Variants in CACNA2D3 observed in about 807,000 individuals in gnomAD.
CACNA2D3 encodes calcium voltage-gated channel auxiliary subunit alpha2delta 3.
CACNA2D3 carries 60 observed loss-of-function variants against 160.6 expected under a neutral mutation model. The ratio of observed to expected loss-of-function variants is 0.37; its 90% confidence interval spans 0.30 to 0.46. The LOEUF (loss-of-function observed/expected upper bound fraction) is 0.46, where lower values mean the gene tolerates loss of function less well. CACNA2D3 is among the 20% of genes least tolerant of loss of function. CACNA2D3 has a pLI of 1.00. For missense variants in CACNA2D3, 1,205 were observed against 1,365.0 expected (o/e 0.88, Z 1.85); for synonymous variants, 558 against 492.9 (o/e 1.13, Z -1.75).
At chr3:54,270,206 TAA>T (rs370818095) in intron 2 of CACNA2D3, among the ~76,000 whole-genome samples, 1 of 152,246 alleles carries the variant, frequency 6.6e-6, no homozygotes, top group African/African-American at 2.4e-5. Flanking sequence ...TTTGTAAATA[TAA>T]AAGAGAAAGA....
chr3:54,454,461 A>G (rs576838224), intron 4 of CACNA2D3, among the ~76,000 whole-genome samples: 2 of 152,144 alleles, frequency 1.3e-5, no homozygotes, highest in Non-Finnish European at 1.5e-5. Context: ...TTCAAAAATT[A>G]TCATTTATAA....
intron 2 of CACNA2D3, among the ~76,000 whole-genome samples, chr3:54,273,719 C>T (rs547569979): frequency 2.6e-5 from 4 of 152,290 alleles, no homozygotes; most frequent in Non-Finnish European, 5.9e-5. Flanking sequence ...CGACCGTTCT[C>T]GGAGTTTGAG....
rs60899252 is a variant in CACNA2D3, at chr3:54,886,935, C to CTTTTT, written c.2057-1014_2057-1010dup. Among the ~76,000 whole-genome samples the CTTTTT allele has an allele frequency of 6.5e-5, 7 of 107,752 alleles. 1 individual carries two copies. Among genetic ancestry groups the CTTTTT allele is most frequent in the African/African-American group, 7.8e-5 (2 of 25,680 alleles). 70.7% of individuals were successfully genotyped at this position (107,752 alleles called of 152,430 possible). A position where few individuals can be genotyped will look rare whatever the true frequency, so the allele number is the denominator to read the frequency against. Reference sequence around the variant, plus strand: ...CTAGCTTTCGCTTTTCAGCAAAGCTCTTTTTTTTTTTTTTGCCCCCAGTCA... The same window carrying CTTTTT: ...CTAGCTTTCGCTTTTCAGCAAAGCTCTTTTTTTTTTTTTTTTTTTGCCCCCAGTCA... On this transcript the variant is annotated intron_variant, in intron 23 of 37. Transcript: ENST00000474759.
At chr3:54,316,094 T>C (rs1018939563) in intron 2 of CACNA2D3, among the ~76,000 whole-genome samples, 1 of 141,270 alleles carries the variant, frequency 7.1e-6, no homozygotes, top group Non-Finnish European at 1.6e-5. Context: ...TGTGTGTGTG[T>C]GCACGTGTGT....
At chr3:54,884,041 C>T (rs1362881010) in intron 21 of CACNA2D3, among the ~76,000 whole-genome samples, 1 of 151,948 alleles carries the variant, frequency 6.6e-6, no homozygotes, top group Non-Finnish European at 1.5e-5. Flanking sequence ...AGAATCATAC[C>T]TGGCATATAG....
intron 11 of CACNA2D3, among the ~76,000 whole-genome samples, chr3:54,645,181 G>A (rs1004718332): frequency 3.9e-5 from 6 of 152,096 alleles, no homozygotes; most frequent in African/African-American, 1.2e-4. Flanking sequence ...CTTACATGGC[G>A]GCAGGTAAGA....
chr3:55,073,600 GTAA>G (rs1184925784), intron 36 of CACNA2D3, 43 bp downstream of exon 36: 1 of 1,487,366 alleles, frequency 6.7e-7, no homozygotes. Context: ...ACGGAAACCA[GTAA>G]GGGGTATCAG....
intron 5 of CACNA2D3, among the ~76,000 whole-genome samples, chr3:54,527,273 C>T (rs1701740193): frequency 6.6e-6 from 1 of 152,090 alleles, no homozygotes; most frequent in African/African-American, 2.4e-5. Context: ...TGTCCTTAGG[C>T]TTGAACTTAT....
intron 13 of CACNA2D3, among the ~76,000 whole-genome samples, chr3:54,773,617 A>G (rs1702360254): frequency 6.6e-6 from 1 of 152,090 alleles, no homozygotes; most frequent in Non-Finnish European, 1.5e-5. Context: ...AGTCATTATA[A>G]CTCTGGCACA....
At chr3:54,953,385 G>A (rs1701805398) in intron 27 of CACNA2D3, among the ~76,000 whole-genome samples, 1 of 152,122 alleles carries the variant, frequency 6.6e-6, no homozygotes, top group East Asian at 1.9e-4. Flanking sequence ...GTGGGGCCCG[G>A]TAACACTACG....
chr3:54,492,287 G>C (rs1701122733), intron 4 of CACNA2D3, among the ~76,000 whole-genome samples: 1 of 152,128 alleles, frequency 6.6e-6, no homozygotes, highest in Non-Finnish European at 1.5e-5. Flanking sequence ...ACAAAGCCAG[G>C]ACCCTTGTTC....
At chr3:54,623,886 T>C (rs1699040887) in intron 9 of CACNA2D3, among the ~76,000 whole-genome samples, 1 of 152,198 alleles carries the variant, frequency 6.6e-6, no homozygotes, top group Non-Finnish European at 1.5e-5. Context: ...GAGCAGCTCT[T>C]AGTGGAGGAC....
chr3:54,502,847 T>G (rs1042785700), intron 4 of CACNA2D3, among the ~76,000 whole-genome samples: 3 of 152,218 alleles, frequency 2.0e-5, no homozygotes, highest in African/African-American at 7.2e-5. Context: ...AAAGTAAGCC[T>G]TCTGTATATG....
intron 4 of CACNA2D3, among the ~76,000 whole-genome samples, chr3:54,483,633 C>T (rs1255048026): frequency 6.6e-6 from 1 of 152,064 alleles, no homozygotes; most frequent in Non-Finnish European, 1.5e-5. Flanking sequence ...GAAGTTAAAA[C>T]AACAACCACA....
intron 5 of CACNA2D3, among the ~76,000 whole-genome samples, chr3:54,539,125 G>A (rs1701931683): frequency 6.6e-6 from 1 of 152,176 alleles, no homozygotes; most frequent in African/African-American, 2.4e-5. Context: ...ATGCTCAGTT[G>A]TGTCGGCCGT....
At chr3:54,834,161 G>A (rs1292676101) in intron 14 of CACNA2D3, among the ~76,000 whole-genome samples, 3 of 152,156 alleles carry the variant, frequency 2.0e-5, no homozygotes, top group Non-Finnish European at 4.4e-5. Flanking sequence ...TTTGTGCCAG[G>A]ACAATTACTA....
At chr3:54,257,017 T>C (rs778021962) in intron 2 of CACNA2D3, among the ~76,000 whole-genome samples, 4 of 152,140 alleles carry the variant, frequency 2.6e-5, no homozygotes, top group African/African-American at 4.8e-5. Context: ...TAGCAGGGTC[T>C]ACTTATGACC....
chr3:54,330,310 C>G (rs935749648), intron 3 of CACNA2D3, among the ~76,000 whole-genome samples: 1 of 150,968 alleles, frequency 6.6e-6, no homozygotes, highest in African/African-American at 2.4e-5. Flanking sequence ...CTCACTGCAC[C>G]CAGTGACTCT....
At chr3:54,249,912 A>T (rs1353281259) in intron 2 of CACNA2D3, among the ~76,000 whole-genome samples, 1 of 152,130 alleles carries the variant, frequency 6.6e-6, no homozygotes, top group African/African-American at 2.4e-5. Context: ...AACTTTTGCT[A>T]TCATGGTGTC....
Sources: gnomAD v4.1 joint callset for allele counts (sites outside exome capture counted in the v4.1 genomes callset) on GRCh38, gnomAD v4.1.1 for gene constraint, MANE v1.5 for transcripts, NCBI Gene and HGNC (gene_info 2026-07-23, HGNC 2026-07-21) for gene names.